Variants in SEC16B observed in about 807,000 individuals in gnomAD.
SEC16B encodes the protein SEC16 homolog B, endoplasmic reticulum export factor.
SEC16B carries 115 observed loss-of-function variants against 141.8 expected under a neutral mutation model. The ratio of observed to expected loss-of-function variants is 0.81; its 90% CI spans 0.70 to 0.95. The LOEUF (loss-of-function observed/expected upper bound fraction) is 0.95, where lower values mean the gene tolerates loss of function less well. SEC16B is among the 40% of genes least tolerant of loss of function. The pLI, the probability that SEC16B is intolerant of heterozygous loss-of-function variation, is 0.00. For synonymous variants in SEC16B, 493 were observed against 492.5 expected (o/e 1.00, Z -0.01); for missense variants, 1,291 against 1,312.3 (o/e 0.98, Z 0.25).
chr1:177,965,832 G>C lies in SEC16B; in HGVS notation c.412+61C>G, dbSNP rs79279694. 3,280 of 1,040,334 alleles carry C rather than the reference G, an allele frequency of 3.2e-3. 75 individuals carry two copies. In the African/African-American group the frequency reaches 0.045, roughly 14 times the overall value. 64.4% of individuals were successfully genotyped at this position (1,040,334 alleles called of 1,614,324 possible). On this transcript the variant is annotated intron_variant, in intron 3 of 25. Coordinates refer to ENST00000308284, the MANE Select transcript of SEC16B (RefSeq NM_033127.4). ...ACATGGCTCCTTTGGTCTCTCCCCT[G>C]CCTCTCAGACCAGCTGCCCCATCCC... is the stretch of plus-strand genomic sequence containing the variant.
chr1:177,930,893 C>A (rs893833952), intron 24 of SEC16B, among the ~76,000 whole-genome samples: 3 of 152,170 alleles, frequency 2.0e-5, no homozygotes, highest in Non-Finnish European at 4.4e-5. Context: ...GAGATACCAT[C>A]TTACTCCTGC....
At chr1:177,972,301 T>C (rs1349638517), upstream of SEC16B, among the ~76,000 whole-genome samples, 3 of 152,220 alleles carry the variant, frequency 2.0e-5, no homozygotes, top group Non-Finnish European at 2.9e-5. Context: ...CCAAAGGGTT[T>C]AGGATTTATC....
chr1:177,976,625 C>T (rs1433203251), intron 1 of SEC16B, among the ~76,000 whole-genome samples: 1 of 152,156 alleles, frequency 6.6e-6, no homozygotes, highest in African/African-American at 2.4e-5. Flanking sequence ...GAACCTCCTA[C>T]CTCACAGAGT....
At chr1:177,930,006 G>A in intron 25 of SEC16B, 77 bp from the exon 26 acceptor site, 2 of 1,425,444 alleles carry the variant, frequency 1.4e-6, no homozygotes, top group Non-Finnish European at 9.7e-7. Context: ...GACAGATGGA[G>A]CTAGGGCACC....
intron 24 of SEC16B, 52 bp from the exon 25 acceptor site, chr1:177,930,695 A>G (rs1234959090): frequency 3.7e-6 from 5 of 1,337,624 alleles, no homozygotes; most frequent in East Asian, 4.7e-5. Context: ...CCCAGATTCC[A>G]GAATGTCGAG....
intron 3 of SEC16B, 24 bp from the exon 4 acceptor site, chr1:177,965,191 T>C (rs376024992): frequency 1.9e-6 from 3 of 1,611,052 alleles, no homozygotes; most frequent in Non-Finnish European, 1.7e-6. Context: ...GAAAACAAAA[T>C]CAAGACAGGT....
At chr1:177,945,780 G>A (rs947329666) in intron 14 of SEC16B, 1 of 153,004 alleles carries the variant, frequency 6.5e-6, no homozygotes, top group African/African-American at 2.4e-5. Flanking sequence ...AGAGCTTAGT[G>A]ACTCTTAACA....
intron 12 of SEC16B, among the ~76,000 whole-genome samples, chr1:177,949,426 AC>A (rs1557977669): frequency 2.8e-4 from 43 of 150,954 alleles, no homozygotes; most frequent in African/African-American, 1.0e-3. Context: ...ACACACACAC[AC>A]ACAAAGAAAA....
intron 10 of SEC16B, 148 bp from the exon 11 acceptor site, chr1:177,954,524 A>G (rs1213311202): frequency 3.2e-6 from 2 of 615,686 alleles, no homozygotes; most frequent in African/African-American, 3.7e-5. Flanking sequence ...ACAGCCAGGA[A>G]GCAGACTGTA....
At chr1:177,937,761 T>C (rs1052974128) in intron 18 of SEC16B, among the ~76,000 whole-genome samples, 2 of 152,038 alleles carry the variant, frequency 1.3e-5, no homozygotes, top group Admixed American at 1.3e-4. Context: ...AATCCTAAGC[T>C]CCTCCATTGA....
chr1:177,983,841 TCC>T (rs1654521564), intron 1 of SEC16B, among the ~76,000 whole-genome samples: 1 of 152,232 alleles, frequency 6.6e-6, no homozygotes, highest in African/African-American at 2.4e-5. Flanking sequence ...CTTTCATCTT[TCC>T]ATAATCAAAC....
At chr1:177,973,495 T>C (rs1654044265), upstream of SEC16B, among the ~76,000 whole-genome samples, 1 of 152,224 alleles carries the variant, frequency 6.6e-6, no homozygotes, top group African/African-American at 2.4e-5. Flanking sequence ...TTATTTTTAA[T>C]CAATAGTGTT....
intron 18 of SEC16B, 118 bp from the exon 19 acceptor site, chr1:177,937,631 G>A: frequency 2.5e-6 from 2 of 797,772 alleles, no homozygotes; most frequent in Non-Finnish European, 3.9e-6. Context: ...AGGACGAGCT[G>A]TCTAATGCGG....
intron 5 of SEC16B, among the ~76,000 whole-genome samples, chr1:177,962,735 C>T (rs1435391413): frequency 1.3e-5 from 2 of 150,034 alleles, no homozygotes; most frequent in Non-Finnish European, 3.0e-5. Flanking sequence ...GACAGAGCAA[C>T]ACTCTGTCTC....
chr1:177,949,358 C>A (rs1651982046), intron 12 of SEC16B, among the ~76,000 whole-genome samples: 1 of 143,120 alleles, frequency 7.0e-6, no homozygotes, highest in Non-Finnish European at 1.5e-5. Flanking sequence ...CAGAAACCAG[C>A]AAAAGGGAAG....
upstream of SEC16B, among the ~76,000 whole-genome samples, chr1:177,972,626 C>T (rs562877413): frequency 2.6e-5 from 4 of 152,316 alleles, no homozygotes; most frequent in East Asian, 5.8e-4. Flanking sequence ...TAGAAGTTTA[C>T]TAATTTATGT....
chr1:177,954,165 C>T lies in SEC16B; in HGVS notation c.1463+114G>A, dbSNP rs1012540748. 3 of 682,230 alleles carry T rather than the reference C, an allele frequency of 4.4e-6. No homozygotes were observed. The African/African-American group carries it at 5.3e-5, about 12-fold the overall frequency. The allele number at this position is 682,230 out of a possible 1,614,324, so 42.3% of individuals were successfully genotyped here. ...CTCAGAAAAGAGAACATGGAAAGAT[C>T]CCTGGAGTGTGAGTCTCCTTAGCGC... On this transcript the variant is annotated intron_variant, in intron 11 of 25. Transcript: ENST00000308284.
At chr1:177,964,345 C>A in intron 4 of SEC16B, 66 bp from the exon 5 acceptor site, 1 of 1,179,904 alleles carries the variant, frequency 8.5e-7, no homozygotes. Context: ...AGGCACTCTC[C>A]GCCGGAAGCT....
At chr1:177,975,951 G>T (rs1463429278) in intron 1 of SEC16B, among the ~76,000 whole-genome samples, 1 of 152,214 alleles carries the variant, frequency 6.6e-6, no homozygotes, top group Non-Finnish European at 1.5e-5. Context: ...TATTAGGAGG[G>T]AGTGTGCCAA....
Sources: gnomAD v4.1 joint callset for allele counts (sites outside exome capture counted in the v4.1 genomes callset) on GRCh38, gnomAD v4.1.1 for gene constraint, MANE v1.5 for transcripts, NCBI Gene and HGNC (gene_info 2026-07-23, HGNC 2026-07-21) for gene names.